Variants in ATG10 observed in about 807,000 individuals in gnomAD.
The protein encoded by ATG10 is ubiquitin-like-conjugating enzyme ATG10.
In ATG10, 30 loss-of-function variants were observed where a neutral mutation model predicts 32.1. The ratio of observed to expected loss-of-function variants is 0.94; its 90% CI spans 0.70 to 1.27. The LOEUF is 1.27. Ranked by LOEUF, ATG10 falls within the 50% of genes most tolerant of loss-of-function variation. The pLI, the probability that ATG10 is intolerant of heterozygous loss-of-function variation, is 0.00. For missense variants in ATG10, 233 were observed against 262.3 expected (o/e 0.89, Z 0.77); for synonymous variants, 87 against 91.5 (o/e 0.95, Z 0.28).
At chr5:81,991,490 A>G (rs556754318) in intron 2 of ATG10, among the ~76,000 whole-genome samples, 1 of 152,228 alleles carries the variant, frequency 6.6e-6, no homozygotes, top group South Asian at 2.1e-4. Flanking sequence ...CTGCTTTCCA[A>G]TGCCTCCCTC....
At chr5:82,048,605 A>G (rs913595161) in intron 2 of ATG10, among the ~76,000 whole-genome samples, 14 of 152,192 alleles carry the variant, frequency 9.2e-5, no homozygotes, top group African/African-American at 3.1e-4. Context: ...ATTAGAGTGA[A>G]CAGGCAACCT....
Position 81,983,947 on chromosome 5 carries a change from C to T in ATG10, c.-12-3612C>T, listed in dbSNP as rs572719173. Reference sequence around the variant, plus strand: ...ACTCCTCACTTCCTAGATGGGATGGCGGCCGGGAAGAGGCGCTCCTCACTT... The same window carrying T: ...ACTCCTCACTTCCTAGATGGGATGGTGGCCGGGAAGAGGCGCTCCTCACTT... On this transcript the variant is annotated intron_variant, in intron 1 of 7. Coordinates refer to ENST00000282185, the MANE Select transcript of ATG10 (RefSeq NM_031482.5). Among the ~76,000 whole-genome samples, 177 of 151,526 alleles carry T rather than the reference C, an allele frequency of 1.2e-3. 2 individuals are homozygous for T. The highest frequency in any genetic ancestry group is 2.4e-3 in the Admixed American group (36 of 15,246).
At chr5:82,239,204 C>T (rs972610463) in intron 5 of ATG10, among the ~76,000 whole-genome samples, 2 of 152,064 alleles carry the variant, frequency 1.3e-5, no homozygotes, top group African/African-American at 2.4e-5. Context: ...AATGGTGTCC[C>T]TACAGTGACG....
At chr5:82,186,873 C>T (rs192461290) in intron 5 of ATG10, among the ~76,000 whole-genome samples, 40 of 152,274 alleles carry the variant, frequency 2.6e-4, no homozygotes, top group Admixed American at 2.0e-3. Context: ...TGAGCCACCG[C>T]GCCCAGCCAA....
chr5:82,194,068 T>G (rs887117251), intron 5 of ATG10, among the ~76,000 whole-genome samples: 1 of 152,214 alleles, frequency 6.6e-6, no homozygotes, highest in Non-Finnish European at 1.5e-5. Context: ...CATCATTTCT[T>G]GTACTCCTGT....
chr5:82,081,457 C>G (rs1035827449), intron 3 of ATG10, among the ~76,000 whole-genome samples: 6 of 152,182 alleles, frequency 3.9e-5, no homozygotes, highest in Non-Finnish European at 8.8e-5. Context: ...GGGAATGCTT[C>G]CAGTTTTTGC....
intron 5 of ATG10, among the ~76,000 whole-genome samples, chr5:82,247,734 T>C (rs557510864): frequency 6.6e-6 from 1 of 152,350 alleles, no homozygotes; most frequent in South Asian, 2.1e-4. Context: ...CTAGACATTT[T>C]AGATAATATA....
intron 2 of ATG10, among the ~76,000 whole-genome samples, chr5:81,996,087 T>TTAC (rs1761655722): frequency 6.6e-6 from 1 of 152,212 alleles, no homozygotes; most frequent in African/African-American, 2.4e-5. Flanking sequence ...TTAGTTTAAT[T>TTAC]TACTTCACTA....
chr5:82,003,140 A>G (rs1248310602), intron 2 of ATG10, among the ~76,000 whole-genome samples: 2 of 152,230 alleles, frequency 1.3e-5, no homozygotes, highest in Non-Finnish European at 2.9e-5. Flanking sequence ...AATGCAAATA[A>G]GTACTTATGT....
At chr5:82,026,860 A>C (rs778107210) in intron 2 of ATG10, among the ~76,000 whole-genome samples, 8 of 151,894 alleles carry the variant, frequency 5.3e-5, no homozygotes, top group Non-Finnish European at 1.2e-4. Context: ...GGAGTTCGAG[A>C]CCACCCTGGC....
intron 3 of ATG10, among the ~76,000 whole-genome samples, chr5:82,124,074 ATT>A (rs78005207): frequency 5.1e-5 from 7 of 136,700 alleles, no homozygotes; most frequent in Non-Finnish European, 6.3e-5. Context: ...TATTCCATGG[ATT>A]TTTTTTTTTT....
At chr5:82,046,904 T>G (rs1285774503) in intron 2 of ATG10, among the ~76,000 whole-genome samples, 1 of 151,968 alleles carries the variant, frequency 6.6e-6, no homozygotes, top group East Asian at 1.9e-4. Context: ...AAGCAATAAT[T>G]TATGAAAGGA....
chr5:82,122,665 A>G (rs1263198306), intron 3 of ATG10, among the ~76,000 whole-genome samples: 1 of 152,230 alleles, frequency 6.6e-6, no homozygotes, highest in Non-Finnish European at 1.5e-5. Context: ...CAAATTTACA[A>G]TAGAAAAACA....
intron 3 of ATG10, among the ~76,000 whole-genome samples, chr5:82,096,710 G>T (rs1765077260): frequency 6.6e-6 from 1 of 152,132 alleles, no homozygotes. Context: ...AGCTAGATTG[G>T]TAATTTAGCA....
chr5:82,237,030 C>T (rs1022987852), intron 5 of ATG10, among the ~76,000 whole-genome samples: 2 of 151,830 alleles, frequency 1.3e-5, no homozygotes, highest in Non-Finnish European at 2.9e-5. Flanking sequence ...CTATAAAGTA[C>T]GATTGCTTGG....
At chr5:82,119,185 A>G (rs973673403) in intron 3 of ATG10, among the ~76,000 whole-genome samples, 2 of 152,194 alleles carry the variant, frequency 1.3e-5, no homozygotes, top group African/African-American at 2.4e-5. Flanking sequence ...TTGCCTGACT[A>G]TGAGAAGACA....
intron 5 of ATG10, among the ~76,000 whole-genome samples, chr5:82,188,259 G>T (rs980189125): frequency 3.9e-5 from 6 of 152,118 alleles, no homozygotes; most frequent in African/African-American, 7.2e-5. Flanking sequence ...GCTGGTTAAT[G>T]TTCTTTGTTA....
intron 3 of ATG10, chr5:82,078,571 G>C (rs949678393): frequency 1.3e-5 from 2 of 152,158 alleles, no homozygotes; most frequent in African/African-American, 4.8e-5. Flanking sequence ...GTGACCTCTC[G>C]GGAGCAGGGG....
At chr5:81,986,740 C>T (rs1561240312) in intron 1 of ATG10, among the ~76,000 whole-genome samples, 2 of 151,926 alleles carry the variant, frequency 1.3e-5, no homozygotes, top group South Asian at 2.1e-4. Flanking sequence ...GATATAGAAA[C>T]GGGAATAAAA....
Sources: allele counts gnomAD v4.1 joint callset (sites outside exome capture counted in the v4.1 genomes callset), GRCh38; gene constraint gnomAD v4.1.1; transcripts MANE v1.5; gene names NCBI Gene and HGNC (gene_info 2026-07-23, HGNC 2026-07-21).